The following FAM222B variants were observed in gnomAD, a reference collection of about 807,000 sequenced individuals.
The protein encoded by FAM222B is protein FAM222B.
FAM222B carries 12 observed loss-of-function variants against 38.0 expected under a neutral mutation model. That is an observed-to-expected ratio of 0.32 (90% confidence interval 0.20 to 0.51). The LOEUF is 0.51. Among genes scored for constraint, FAM222B ranks in the 20% least tolerant of loss-of-function variants. FAM222B has a pLI of 0.97. For missense variants in FAM222B, 716 were observed against 754.2 expected (o/e 0.95, Z 0.59); for synonymous variants, 329 against 317.2 (o/e 1.04, Z -0.40).
At chr17:28,808,169 C>CA in intron 1 of FAM222B, among the ~76,000 whole-genome samples, 1 of 152,282 alleles carries the variant, frequency 6.6e-6, no homozygotes, top group East Asian at 1.9e-4. Flanking sequence ...GGCCTGTTTC[C>CA]AAAATGAATG....
At chr17:28,827,279 C>A (rs958584753) in intron 1 of FAM222B, among the ~76,000 whole-genome samples, 39 of 151,944 alleles carry the variant, frequency 2.6e-4, no homozygotes, top group African/African-American at 9.4e-4. Flanking sequence ...ATTGCTTGAG[C>A]CCAAGACTTT....
At chr17:28,789,674 G>C (rs1358949198) in intron 1 of FAM222B, among the ~76,000 whole-genome samples, 1 of 152,174 alleles carries the variant, frequency 6.6e-6, no homozygotes, top group Non-Finnish European at 1.5e-5. Flanking sequence ...AGCCCCAACA[G>C]GGCCTACTCT....
chr17:28,847,667 C>G (rs998675086), upstream of FAM222B, among the ~76,000 whole-genome samples: 1 of 152,018 alleles, frequency 6.6e-6, no homozygotes, highest in African/African-American at 2.4e-5. Flanking sequence ...GTAATCCCAG[C>G]GCTTTGGGAG....
rs578114642 is a variant in FAM222B, at chr17:28,813,131, A to C, written c.-41+29551T>G. On this transcript the variant is annotated intron_variant, in intron 1 of 2. Coordinates refer to ENST00000581407, the MANE Select transcript of FAM222B (RefSeq NM_001077498.3). ...AATACATGAAATCATCAGACACAAA[A>C]AAAAAAAAAACACACACATACAAAA... Among the ~76,000 whole-genome samples the C allele has an allele frequency of 5.6e-3, 753 of 135,514 alleles. 5 individuals carry two copies. The highest frequency in any genetic ancestry group is 0.02 in the Middle Eastern group (5 of 256). 88.9% of individuals were successfully genotyped at this position (135,514 alleles called of 152,430 possible).
At chr17:28,852,088 C>G (rs1456047417) in intron 1 of FAM222B, among the ~76,000 whole-genome samples, 1 of 151,884 alleles carries the variant, frequency 6.6e-6, no homozygotes, top group Non-Finnish European at 1.5e-5. Flanking sequence ...AGCAACGTGG[C>G]CTGGCGCGGT....
At chr17:28,798,702 T>A (rs2037061670) in intron 1 of FAM222B, among the ~76,000 whole-genome samples, 1 of 151,244 alleles carries the variant, frequency 6.6e-6, no homozygotes, top group Non-Finnish European at 1.5e-5. Flanking sequence ...TGGCGCGATC[T>A]CGGCTCACTG....
intron 1 of FAM222B, among the ~76,000 whole-genome samples, chr17:28,847,963 G>C (rs2039157281): frequency 6.6e-6 from 1 of 151,936 alleles, no homozygotes; most frequent in African/African-American, 2.4e-5. Flanking sequence ...AAATAGTGTA[G>C]TGAAGATGAA....
At chr17:28,812,466 A>G (rs1348044958) in intron 1 of FAM222B, 1 of 146,628 alleles carries the variant, frequency 6.8e-6, no homozygotes, top group African/African-American at 2.5e-5. Flanking sequence ...GCCGGAAGCC[A>G]GCCCCGCCCC....
chr17:28,771,292 A>G (rs2035621024), intron 1 of FAM222B, among the ~76,000 whole-genome samples: 1 of 152,180 alleles, frequency 6.6e-6, no homozygotes, highest in Admixed American at 6.6e-5. Flanking sequence ...AGGAAGGTAG[A>G]GTATGATTAG....
chr17:28,787,394 T>C (rs772707061), intron 1 of FAM222B, among the ~76,000 whole-genome samples: 5 of 152,222 alleles, frequency 3.3e-5, no homozygotes, highest in Non-Finnish European at 5.9e-5. Flanking sequence ...AATCCTGATA[T>C]GTAATAACCT....
chr17:28,785,130 G>A (rs892160018), intron 1 of FAM222B, among the ~76,000 whole-genome samples: 7 of 152,134 alleles, frequency 4.6e-5, no homozygotes, highest in Non-Finnish European at 1.0e-4. Context: ...AGGAAACCCA[G>A]GCTCAGAAAG....
chr17:28,811,739 T>C (rs2037775684), intron 1 of FAM222B, among the ~76,000 whole-genome samples: 4 of 152,274 alleles, frequency 2.6e-5, no homozygotes, highest in Non-Finnish European at 5.9e-5. Flanking sequence ...AGGATTTCCT[T>C]TAACCACCAT....
chr17:28,846,202 CAAAAAA>C (rs35170639), upstream of FAM222B, among the ~76,000 whole-genome samples: 3 of 120,712 alleles, frequency 2.5e-5, no homozygotes, highest in African/African-American at 9.8e-5. Flanking sequence ...GACTCCATCT[CAAAAAA>C]AAAAAAAAAA....
intron 1 of FAM222B, among the ~76,000 whole-genome samples, chr17:28,801,699 T>C (rs564938844): frequency 6.6e-6 from 1 of 152,008 alleles, no homozygotes. Flanking sequence ...AGGAACCCAG[T>C]AAATGGGACT....
chr17:28,832,771 A>G (rs927108531), intron 1 of FAM222B, among the ~76,000 whole-genome samples: 1 of 152,160 alleles, frequency 6.6e-6, no homozygotes, highest in Non-Finnish European at 1.5e-5. Context: ...TGAATGACCA[A>G]TTGCTTTGAA....
chr17:28,812,082 G>A (rs2037796702), intron 1 of FAM222B: 2 of 152,170 alleles, frequency 1.3e-5, no homozygotes, highest in South Asian at 4.1e-4. Flanking sequence ...AAATGATGAA[G>A]GGTAGAAACA....
intron 1 of FAM222B, among the ~76,000 whole-genome samples, chr17:28,849,981 GC>G (rs2039170438): frequency 6.6e-6 from 1 of 152,072 alleles, no homozygotes; most frequent in Admixed American, 6.6e-5. Context: ...TACTCAGGAG[GC>G]TAAGGCAGGA....
At chr17:28,766,543 A>G (rs776760246) in intron 2 of FAM222B, 43 bp downstream of exon 2, 147 of 1,533,238 alleles carry the variant, frequency 9.6e-5, no homozygotes, top group Admixed American at 1.7e-4. Context: ...GTAGAGACAA[A>G]AACAAAGAAT....
At chr17:28,822,833 ATATATATATAT>A (rs1239103421) in intron 1 of FAM222B, among the ~76,000 whole-genome samples, 3 of 40,972 alleles carry the variant, frequency 7.3e-5, no homozygotes, top group East Asian at 8.2e-4. Flanking sequence ...AAAAAAAAAA[ATATATATATAT>A]ATATATATAT....
Sources: gnomAD v4.1 joint callset for allele counts (sites outside exome capture counted in the v4.1 genomes callset) on GRCh38, gnomAD v4.1.1 for gene constraint, MANE v1.5 for transcripts, NCBI Gene and HGNC (gene_info 2026-07-23, HGNC 2026-07-21) for gene names.